The following CNTN1 variants were observed in gnomAD, a reference collection of about 807,000 sequenced individuals.
CNTN1 encodes the protein contactin 1.
CNTN1 carries 38 observed loss-of-function variants against 126.4 expected under a neutral mutation model. The observed-to-expected ratio is 0.30, with a 90% CI of 0.23 to 0.39. The LOEUF (loss-of-function observed/expected upper bound fraction) is 0.39. Among genes scored for constraint, CNTN1 ranks in the 10% least tolerant of loss-of-function variants. CNTN1 has a pLI of 1.00. For missense variants in CNTN1, 1,009 were observed against 1,248.4 expected, an observed-to-expected ratio of 0.81 and a Z score of 2.89; for synonymous variants, 413 against 422.6, an observed-to-expected ratio of 0.98 and a Z score of 0.28.
At chr12:40,811,425 A>G (rs973629796) in intron 1 of CNTN1, among the ~76,000 whole-genome samples, 8 of 152,186 alleles carry the variant, frequency 5.3e-5, no homozygotes, top group Admixed American at 2.0e-4. Context: ...CCTCATTAAA[A>G]TGAGTTTGAA....
At chr12:40,967,863 A>C (rs898523589) in intron 15 of CNTN1, among the ~76,000 whole-genome samples, 3 of 151,456 alleles carry the variant, frequency 2.0e-5, no homozygotes, top group Non-Finnish European at 4.4e-5. Context: ...AAAATGATGA[A>C]TATAAAATGA....
intron 1 of CNTN1, among the ~76,000 whole-genome samples, chr12:40,757,810 C>A (rs1245132530): frequency 6.6e-6 from 1 of 152,006 alleles, no homozygotes; most frequent in Non-Finnish European, 1.5e-5. Context: ...GTTAGTCTTT[C>A]TTTATTAAAA....
intron 1 of CNTN1, among the ~76,000 whole-genome samples, chr12:40,906,689 T>TTTTTTTTTTTTTTTTG (rs1944836000): frequency 6.8e-6 from 1 of 146,682 alleles, no homozygotes; most frequent in Admixed American, 6.8e-5. Context: ...GTTTTGTTTT[T>TTTTTTTTTTTTTTTTG]TTTGAGATGG....
chr12:40,926,337 A>G (rs1288368918), intron 6 of CNTN1, among the ~76,000 whole-genome samples: 1 of 152,020 alleles, frequency 6.6e-6, no homozygotes, highest in African/African-American at 2.4e-5. Context: ...AGCTAACAAT[A>G]TGAGTATCCG....
At chr12:41,055,188 A>T (rs781671433) in intron 23 of CNTN1, among the ~76,000 whole-genome samples, 5 of 152,146 alleles carry the variant, frequency 3.3e-5, no homozygotes, top group African/African-American at 4.8e-5. Context: ...ATGAAATGGA[A>T]ATTAATATAC....
At chr12:40,745,149 G>T (rs565741847) in intron 1 of CNTN1, among the ~76,000 whole-genome samples, 1 of 152,008 alleles carries the variant, frequency 6.6e-6, no homozygotes, top group Non-Finnish European at 1.5e-5. Context: ...TCTTCATTTT[G>T]TTCTGCCAAA....
At position 40,764,456 on chromosome 12, in the gene CNTN1, T is replaced by C. The variant is rs139559243; in HGVS notation, c.-77+71864T>C. Among the ~76,000 whole-genome samples the C allele has an allele frequency of 1.7e-3, 253 of 152,354 alleles. 1 individual carries two copies. Among genetic ancestry groups the C allele is most frequent in the African/African-American group, 5.7e-3 (238 of 41,584 alleles). On this transcript the variant is annotated intron_variant, in intron 1 of 23. Coordinates refer to ENST00000551295, the MANE Select transcript of CNTN1 (RefSeq NM_001843.4). ...AGCCATCTGTGTTTTCTAATTGTTT[T>C]TTATTGATGTTAGGCTCCTACTCTC...
chr12:41,005,294 G>A (rs1948462336), intron 17 of CNTN1, among the ~76,000 whole-genome samples: 1 of 152,148 alleles, frequency 6.6e-6, no homozygotes, highest in African/African-American at 2.4e-5. Flanking sequence ...TCTGCTGAAA[G>A]GTCCATTTTT....
At chr12:40,892,287 T>C (rs967633887) in intron 1 of CNTN1, among the ~76,000 whole-genome samples, 1 of 152,228 alleles carries the variant, frequency 6.6e-6, no homozygotes, top group Middle Eastern at 3.4e-3. Context: ...TCTCAGGGTC[T>C]AAAATCTGTT....
chr12:40,944,025 A>G lies in CNTN1; in HGVS notation c.1538A>G (p.Asn513Ser), dbSNP rs759524960. The change falls in exon 14 of 24, where the codon AAT (asparagine) becomes AGT (serine). Residue 513 changes from asparagine to serine, a missense_variant. Asn to Ser is a conservative substitution (Grantham distance 46, BLOSUM62 1). Coordinates refer to ENST00000551295, the MANE Select transcript of CNTN1 (RefSeq NM_001843.4). ...DPTRIILAPI[N>S]ADITVGENAT... is the part of the protein sequence containing the mutation. ...ACGCGAATTATATTGGCCCCAATTA[A>G]TGCCGATATCACAGTTGGAGAAAAC... 8 of 1,613,552 alleles carry G rather than the reference A, an allele frequency of 5.0e-6. No homozygotes were observed. In the South Asian group the frequency reaches 8.8e-5, roughly 18 times the overall value.
chr12:40,810,253 A>C (rs1592111592), intron 1 of CNTN1, among the ~76,000 whole-genome samples: 1 of 152,110 alleles, frequency 6.6e-6, no homozygotes, highest in South Asian at 2.1e-4. Flanking sequence ...GACAAATAAA[A>C]ATTTTATGTA....
intron 1 of CNTN1, among the ~76,000 whole-genome samples, chr12:40,731,746 A>G (rs1942505324): frequency 6.6e-6 from 1 of 151,974 alleles, no homozygotes; most frequent in Non-Finnish European, 1.5e-5. Flanking sequence ...AACTGTATCA[A>G]ATTGCCACTA....
chr12:40,845,697 T>C (rs990771531), intron 1 of CNTN1, among the ~76,000 whole-genome samples: 1 of 152,054 alleles, frequency 6.6e-6, no homozygotes, highest in African/African-American at 2.4e-5. Context: ...TTATATAAAC[T>C]TTTCACCAAT....
chr12:41,058,969 A>G (rs1407760478), intron 23 of CNTN1, among the ~76,000 whole-genome samples: 1 of 152,200 alleles, frequency 6.6e-6, no homozygotes, highest in Non-Finnish European at 1.5e-5. Flanking sequence ...ATGAATTTGG[A>G]CAATTTCTTA....
At chr12:40,825,632 G>A (rs967703641) in intron 1 of CNTN1, among the ~76,000 whole-genome samples, 1 of 152,068 alleles carries the variant, frequency 6.6e-6, no homozygotes, top group Non-Finnish European at 1.5e-5. Context: ...ATGGAAATTG[G>A]CTCTTTATTA....
chr12:40,910,573 T>C (rs1172628335), intron 3 of CNTN1, among the ~76,000 whole-genome samples: 1 of 152,134 alleles, frequency 6.6e-6, no homozygotes, highest in Non-Finnish European at 1.5e-5. Context: ...CTACTTCAAC[T>C]ACCAAACAGA....
At chr12:40,906,897 C>T (rs1944851284) in intron 1 of CNTN1, among the ~76,000 whole-genome samples, 1 of 151,902 alleles carries the variant, frequency 6.6e-6, no homozygotes. Flanking sequence ...AGGCTGGTCT[C>T]GAACTCCTGA....
intron 1 of CNTN1, among the ~76,000 whole-genome samples, chr12:40,815,820 T>A (rs1223893598): frequency 6.6e-6 from 1 of 152,214 alleles, no homozygotes; most frequent in Non-Finnish European, 1.5e-5. Context: ...TTGAGATATG[T>A]TCCATTAATA....
At chr12:40,986,774 G>T (rs551836080) in intron 16 of CNTN1, among the ~76,000 whole-genome samples, 1 of 152,044 alleles carries the variant, frequency 6.6e-6, no homozygotes, top group Non-Finnish European at 1.5e-5. Context: ...TGGCTCTTTT[G>T]TTCTGCCCCA....
Sources: gnomAD v4.1 joint callset for allele counts (sites outside exome capture counted in the v4.1 genomes callset) on GRCh38, gnomAD v4.1.1 for gene constraint, MANE v1.5 for transcripts, NCBI Gene and HGNC (gene_info 2026-07-23, HGNC 2026-07-21) for gene names.